Variants in USP54 observed in about 807,000 individuals in gnomAD.
The protein encoded by USP54 is ubiquitin carboxyl-terminal hydrolase 54.
A neutral mutation model predicts 170.5 loss-of-function variants in USP54; 87 were observed. The observed-to-expected ratio is 0.51, with a 90% CI of 0.43 to 0.61. The LOEUF (loss-of-function observed/expected upper bound fraction) is 0.61, where lower values mean the gene tolerates loss of function less well. Ranked by LOEUF, USP54 falls within the 20% of genes least tolerant of loss-of-function variation. The probability of loss-of-function intolerance (pLI) is 0.00; values close to 1 mark genes in which losing one functional copy is unlikely to be tolerated. For missense variants in USP54, 1,786 were observed against 2,047.8 expected (o/e 0.87, Z 2.47); for synonymous variants, 655 against 742.8 (o/e 0.88, Z 1.92).
intron 1 of USP54, among the ~76,000 whole-genome samples, chr10:73,620,816 G>A (rs1718310701): frequency 6.7e-6 from 1 of 150,096 alleles, no homozygotes; most frequent in African/African-American, 2.5e-5. Flanking sequence ...GCGGGCACCT[G>A]TAATCCCAGC....
intron 20 of USP54, among the ~76,000 whole-genome samples, chr10:73,508,980 T>C (rs906836373): frequency 1.3e-5 from 2 of 150,878 alleles, no homozygotes; most frequent in African/African-American, 2.4e-5. Flanking sequence ...ATGTTTTTTT[T>C]TTTTTTTTCT....
chr10:73,583,390 A>G (rs2077111719), intron 1 of USP54, among the ~76,000 whole-genome samples: 1 of 152,134 alleles, frequency 6.6e-6, no homozygotes, highest in Non-Finnish European at 1.5e-5. Flanking sequence ...GGTTCAAGCA[A>G]TCCTCCTGCC....
chr10:73,583,566 G>T (rs374238264), intron 1 of USP54, among the ~76,000 whole-genome samples: 58 of 152,238 alleles, frequency 3.8e-4, no homozygotes, highest in African/African-American at 1.4e-3. Context: ...GATTACAGGC[G>T]TGAGCCACTG....
rs758525839 is a variant in USP54, at chr10:73,526,717, G to A, written c.2124C>T (p.His708=). 6.2e-7 allele frequency: 1 copy of A among 1,614,138 alleles called. No individual in the cohort carries two copies. Among genetic ancestry groups the A allele is most frequent in the Non-Finnish European group, 8.5e-7 (1 of 1,180,024 alleles). ...AGTCTACCTCCAGGATGCTACTGCT[G>A]TGCGACTTTGGGATATGACGCCAGG... ...VPSWRHIPKS[H]SSSILEVDST... is the part of the protein sequence containing the mutation. The change falls in exon 16 of 24, where the codon CAC becomes CAT. Residue 708 remains histidine, a synonymous_variant. Transcript: ENST00000687698.
In USP54 at chr10:73,539,536, T is replaced by A. The variant is rs769112671; in HGVS notation, c.883A>T (p.Met295Leu). The A allele has an allele frequency of 1.9e-6, 3 of 1,612,216 alleles. No homozygotes were observed. The highest frequency in any genetic ancestry group is 1.7e-4 in the Middle Eastern group (1 of 6,056). Residue 295 changes from methionine to leucine, a missense_variant, in exon 10 of 24, where the codon ATG (methionine) becomes TTG (leucine). Transcript: ENST00000687698. ...AKQSELYLVG[M>L]ICYYGKHYST... Reference sequence around the variant, plus strand: ...TAATGTTTGCCATAGTAACAGATCATTCCAACTAAGTACAGTTCAGATTGC... The same window carrying A: ...TAATGTTTGCCATAGTAACAGATCAATCCAACTAAGTACAGTTCAGATTGC...
In USP54 at chr10:73,498,705, C is replaced by T. The variant is rs1408338879; in HGVS notation, c.4979G>A (p.Gly1660Glu). Reference protein sequence around the residue: ...HSGHRRTVGEGFLFVLSDAPR... With the variant: ...HSGHRRTVGEEFLFVLSDAPR... ...AGCATCTGATAGAACAAACAGAAAC[C>T]CCTCTCCCACTGTTCTCCTGTGTCC... The change falls in exon 24 of 24, where the codon GGG (glycine) becomes GAG (glutamate). Residue 1660 changes from glycine to glutamate, a missense_variant. Coordinates refer to ENST00000687698, the MANE Select transcript of USP54 (RefSeq NM_001391956.1). 1 of 1,609,604 alleles carries T rather than the reference C, an allele frequency of 6.2e-7. No individual in the cohort carries two copies.
intron 3 of USP54, among the ~76,000 whole-genome samples, chr10:73,572,018 T>C (rs973325834): frequency 4.6e-5 from 7 of 152,116 alleles, no homozygotes; most frequent in African/African-American, 1.7e-4. Flanking sequence ...TTTGTTGAAA[T>C]GGGAAAAAAA....
intron 1 of USP54, among the ~76,000 whole-genome samples, chr10:73,623,142 C>T (rs1228560919): frequency 1.3e-5 from 2 of 151,420 alleles, no homozygotes; most frequent in East Asian, 2.0e-4. Flanking sequence ...CTTTGGGAAG[C>T]CAAGCTGCCA....
chr10:73,621,472 C>T (rs1047323893), intron 1 of USP54, among the ~76,000 whole-genome samples: 2 of 148,232 alleles, frequency 1.3e-5, no homozygotes, highest in African/African-American at 5.0e-5. Context: ...TGGTGGCGGG[C>T]ACCTGTAATC....
chr10:73,567,819 TTA>T (rs2074196855), intron 4 of USP54, among the ~76,000 whole-genome samples: 1 of 152,238 alleles, frequency 6.6e-6, no homozygotes, highest in Non-Finnish European at 1.5e-5. Context: ...GTTTGATCCT[TTA>T]TAATCTTTAT....
intron 9 of USP54, among the ~76,000 whole-genome samples, chr10:73,539,825 T>G (rs917664391): frequency 7.2e-5 from 11 of 152,120 alleles, no homozygotes; most frequent in African/African-American, 2.4e-4. Context: ...CTAGACTAGA[T>G]AGCAAGACCC....
chr10:73,532,490 AAATG>A (rs1343681627), intron 12 of USP54, among the ~76,000 whole-genome samples: 3 of 152,160 alleles, frequency 2.0e-5, no homozygotes, highest in African/African-American at 7.2e-5. Context: ...TAAGTCTTAC[AAATG>A]TTAAACCAAT....
At chr10:73,517,789 G>A in intron 19 of USP54, 42 bp from the exon 20 acceptor site, 1 of 1,556,816 alleles carries the variant, frequency 6.4e-7, no homozygotes, top group Non-Finnish European at 8.7e-7. Context: ...TGCCTTGACT[G>A]ACAGGAACAC....
chr10:73,571,005 G>A (rs1465743062), intron 4 of USP54, among the ~76,000 whole-genome samples: 1 of 151,838 alleles, frequency 6.6e-6, no homozygotes, highest in African/African-American at 2.4e-5. Context: ...GAGCATGGTG[G>A]CACACGCCTA....
chr10:73,566,876 T>C (rs2073959293), intron 4 of USP54, among the ~76,000 whole-genome samples: 1 of 151,982 alleles, frequency 6.6e-6, no homozygotes, highest in African/African-American at 2.4e-5. Context: ...TCTTTTGTTT[T>C]TTTGTTTTGT....
At chr10:73,518,550 G>T (rs531670522) in intron 19 of USP54, among the ~76,000 whole-genome samples, 1 of 152,170 alleles carries the variant, frequency 6.6e-6, no homozygotes, top group South Asian at 2.1e-4. Context: ...TTCAAAACAA[G>T]CCCCTAAATT....
chr10:73,587,279 C>T (rs902716247), intron 1 of USP54, among the ~76,000 whole-genome samples: 1 of 151,948 alleles, frequency 6.6e-6, no homozygotes, highest in Non-Finnish European at 1.5e-5. Flanking sequence ...CGAGACCATC[C>T]TGGCTAACAC....
At chr10:73,617,306 A>G (rs2080721157) in intron 1 of USP54, among the ~76,000 whole-genome samples, 1 of 149,156 alleles carries the variant, frequency 6.7e-6, no homozygotes, top group South Asian at 2.1e-4. Context: ...CAAAAAAAAA[A>G]AATTAGCCAG....
rs145223908 is a variant in USP54 at position 73,564,036 on chromosome 10, C to G, written c.240+7385G>C. Among the ~76,000 whole-genome samples the G allele has an allele frequency of 5.3e-3, 809 of 151,800 alleles. 6 individuals carry two copies. Among genetic ancestry groups the G allele is most frequent in the African/African-American group, 0.018 (744 of 41,376 alleles). The stretch of plus-strand genomic sequence containing the variant: ...AAAAACACTGAGACAGAGTCTCACT[C>G]TGTCACCCAGGCTGGAGTATAGTGG... On this transcript the variant is annotated intron_variant, in intron 4 of 23. Transcript: ENST00000687698.
Sources: allele counts gnomAD v4.1 joint callset (sites outside exome capture counted in the v4.1 genomes callset), GRCh38; gene constraint gnomAD v4.1.1; transcripts MANE v1.5; gene names NCBI Gene and HGNC (gene_info 2026-07-23, HGNC 2026-07-21).